FARP2: variants seen among roughly 807,000 people sequenced by gnomAD.
The protein encoded by FARP2 is FERM, ARH/RhoGEF and pleckstrin domain protein 2.
Under a neutral mutation model 130.5 loss-of-function variants are expected in FARP2, and 111 were observed. That is an observed-to-expected ratio of 0.85 (90% CI 0.73 to 1.00). The LOEUF (loss-of-function observed/expected upper bound fraction) is 1.00. FARP2 is among the 50% of genes least tolerant of loss of function. The probability of loss-of-function intolerance (pLI) is 0.00; values close to 1 mark genes in which losing one functional copy is unlikely to be tolerated. For synonymous variants in FARP2, 504 were observed against 516.9 expected, an observed-to-expected ratio of 0.98 and a Z score of 0.34; for missense variants, 1,385 against 1,346.3, an observed-to-expected ratio of 1.03 and a Z score of -0.45.
chr2:241,493,994 G>C lies in FARP2; in HGVS notation c.3048-14G>C, dbSNP rs369845140. 2.9e-6 allele frequency: 4 copies of C among 1,366,122 alleles called. No individual in the cohort carries two copies. The African/African-American group carries it at 4.5e-5, about 15-fold the overall frequency. The allele number at this position is 1,366,122 out of a possible 1,614,324, so 84.6% of individuals were successfully genotyped here. On this transcript the variant is annotated splice_polypyrimidine_tract_variant and intron_variant, in intron 26 of 26. Transcript: ENST00000264042. Reference sequence around the variant, plus strand: ...AAGATGGCTCACTGGTCTGATGGCCGCCCTCTCCTCCAGGTGGATGGAGGT... The same window carrying C: ...AAGATGGCTCACTGGTCTGATGGCCCCCCTCTCCTCCAGGTGGATGGAGGT...
In FARP2 at chr2:241,493,534, C is replaced by T. The variant is rs1035327076; in HGVS notation, c.3047+90C>T. The T allele has an allele frequency of 9.7e-6, 12 of 1,235,216 alleles. No individual in the cohort carries two copies. The Admixed American group carries it at 2.1e-4, about 22-fold the overall frequency. The allele number at this position is 1,235,216 out of a possible 1,614,324, so 76.5% of individuals were successfully genotyped here. A position where few individuals can be genotyped will look rare whatever the true frequency, so the allele number is the denominator to read the frequency against. On this transcript the variant is annotated intron_variant, in intron 26 of 26. Transcript: ENST00000264042. The stretch of plus-strand genomic sequence containing the variant: ...ACTCATGGTGGTGGAGGCAAGTTTT[C>T]TGGGCCCTGGAAAGGAAGGGCTGAG...
At chr2:241,374,049 C>G (rs1411109179) in intron 2 of FARP2, among the ~76,000 whole-genome samples, 2 of 148,748 alleles carry the variant, frequency 1.3e-5, no homozygotes, top group Admixed American at 1.3e-4. Context: ...GTTGTTCTGT[C>G]AACCCAGGCT....
chr2:241,423,704 T>C (rs926018878), intron 8 of FARP2, among the ~76,000 whole-genome samples: 2 of 152,174 alleles, frequency 1.3e-5, no homozygotes, highest in African/African-American at 4.8e-5. Flanking sequence ...GGGTATGCTG[T>C]CTTCAAGAGA....
intron 18 of FARP2, among the ~76,000 whole-genome samples, chr2:241,470,988 G>A (rs1295684060): frequency 6.6e-6 from 1 of 151,708 alleles, no homozygotes; most frequent in South Asian, 2.1e-4. Flanking sequence ...GTTATTCTGG[G>A]GGGGACACTA....
chr2:241,365,694 C>T (rs115584278), intron 1 of FARP2, among the ~76,000 whole-genome samples: 1,963 of 152,106 alleles, frequency 0.013, 20 homozygotes, highest in Non-Finnish European at 0.022. Context: ...TTCCTGGTGA[C>T]GTAGAATGAA....
At chr2:241,474,015 T>C (rs545199311) in intron 18 of FARP2, among the ~76,000 whole-genome samples, 1 of 152,132 alleles carries the variant, frequency 6.6e-6, no homozygotes, top group Admixed American at 6.6e-5. Context: ...CTGGAAAGGA[T>C]AGAGCTGCAG....
intron 1 of FARP2, among the ~76,000 whole-genome samples, chr2:241,364,285 A>T (rs1384208369): frequency 3.9e-5 from 6 of 152,256 alleles, no homozygotes; most frequent in African/African-American, 1.2e-4. Context: ...AACAGCTGAC[A>T]GCCAGCAAGA....
rs2064052167 is a variant in FARP2 at position 241,462,578 on chromosome 2, G to A, written c.1643G>A (p.Arg548Gln). The change falls in exon 15 of 27, where the codon CGA becomes CAA. Residue 548 changes from arginine (R) to glutamine (Q), a missense_variant. Physicochemically the swap from Arg to Gln is conservative, Grantham distance 43. Transcript: ENST00000264042. ...GTCAAAGAGATTCTCGCTACAGAAC[G>A]AACATACCTCAAGGATTTAGAAGTT... ...FIVKEILATE[R>Q]TYLKDLEVIT... 3.7e-6 allele frequency: 6 copies of A among 1,613,460 alleles called. No homozygotes were observed. The Admixed American group carries it at 5.0e-5, about 13-fold the overall frequency.
Position 241,463,951 on chromosome 2 carries a change from A to G in FARP2, c.1864A>G (p.Ile622Val), listed in dbSNP as rs774860824. Residue 622 changes from isoleucine to valine, a missense_variant, in exon 17 of 27, where the codon ATC becomes GTC. Ile to Val is a conservative substitution (Grantham distance 29). Coordinates refer to ENST00000264042, the MANE Select transcript of FARP2 (RefSeq NM_014808.4). ...TKGSHQRIGD[I>V]LLRNMRQLKE... ...AGGCAGTCATCAACGAATCGGGGACATCCTGCTCAGGAACATGCGCCAGTT... is the reference window on the plus strand; with the variant it reads ...AGGCAGTCATCAACGAATCGGGGACGTCCTGCTCAGGAACATGCGCCAGTT... 2 of 1,614,138 alleles carry G rather than the reference A, an allele frequency of 1.2e-6. No homozygotes were observed. The highest frequency in any genetic ancestry group is 1.7e-6 in the Non-Finnish European group (2 of 1,179,974).
At chr2:241,379,661 A>G (rs2061616903) in intron 2 of FARP2, among the ~76,000 whole-genome samples, 1 of 152,248 alleles carries the variant, frequency 6.6e-6, no homozygotes, top group Non-Finnish European at 1.5e-5. Context: ...TCCAGAAAGT[A>G]TTGTAGCCAG....
intron 9 of FARP2, among the ~76,000 whole-genome samples, chr2:241,433,677 A>G (rs373765391): frequency 2.6e-5 from 4 of 152,160 alleles, no homozygotes; most frequent in African/African-American, 7.2e-5. Context: ...TATACTGTCT[A>G]TCTTTTCTTA....
At chr2:241,488,474 A>AAT (rs2064814671) in intron 21 of FARP2, 2 of 140,264 alleles carry the variant, frequency 1.4e-5, no homozygotes, top group Non-Finnish European at 3.0e-5. Context: ...TGGAGTGCCC[A>AAT]GGCACGATCT....
At chr2:241,466,356 C>T (rs2064169330) in intron 17 of FARP2, 7 of 985,320 alleles carry the variant, frequency 7.1e-6, no homozygotes, top group Non-Finnish European at 8.4e-6. Context: ...ACTCCTGGAG[C>T]GCCTGCCAGG....
chr2:241,399,309 T>G (rs146696527), intron 2 of FARP2, among the ~76,000 whole-genome samples: 69 of 152,274 alleles, frequency 4.5e-4, no homozygotes, highest in African/African-American at 1.4e-3. Flanking sequence ...TTGTTGGGTT[T>G]GTTTGTTTGT....
chr2:241,400,046 T>TA (rs1315280679), intron 2 of FARP2, among the ~76,000 whole-genome samples: 1 of 152,222 alleles, frequency 6.6e-6, no homozygotes, highest in African/African-American at 2.4e-5. Flanking sequence ...CATTGCTGGT[T>TA]AACAGGTGCC....
At chr2:241,402,833 A>AATTT (rs2062205478) in intron 2 of FARP2, among the ~76,000 whole-genome samples, 2 of 46,722 alleles carry the variant, frequency 4.3e-5, no homozygotes, top group Non-Finnish European at 7.3e-5. Flanking sequence ...ACACCCAGCT[A>AATTT]ATTTATATAT....
chr2:241,436,980 T>C (rs1378535636), intron 12 of FARP2, among the ~76,000 whole-genome samples: 1 of 152,162 alleles, frequency 6.6e-6, no homozygotes, highest in Non-Finnish European at 1.5e-5. Context: ...AACAAGATCC[T>C]GTCTCAAAAA....
chr2:241,438,581 G>T (rs4675958), intron 12 of FARP2, among the ~76,000 whole-genome samples: 114,836 of 150,776 alleles, frequency 0.76, 43,944 homozygotes, highest in Middle Eastern at 0.85. Context: ...GGTATCCCAG[G>T]TTTTTTCATG....
chr2:241,480,574 AATTT>A (rs2064588808), intron 19 of FARP2, among the ~76,000 whole-genome samples: 1 of 151,852 alleles, frequency 6.6e-6, no homozygotes, highest in East Asian at 1.9e-4. Context: ...AATTCACTAA[AATTT>A]ATTCTAAGGG....
Sources: gnomAD v4.1 joint callset for allele counts (sites outside exome capture counted in the v4.1 genomes callset) on GRCh38, gnomAD v4.1.1 for gene constraint, MANE v1.5 for transcripts, NCBI Gene and HGNC (gene_info 2026-07-23, HGNC 2026-07-21) for gene names.